The following DNAH7 variants were observed in gnomAD, a reference collection of about 807,000 sequenced individuals.
The protein encoded by DNAH7 is axonemal beta dynein heavy chain 7.
A neutral mutation model predicts 444.6 loss-of-function variants in DNAH7; 397 were observed. The observed-to-expected ratio is 0.89, with a 90% CI of 0.82 to 0.97. DNAH7 has a LOEUF of 0.97. DNAH7 is among the 50% of genes least tolerant of loss of function. DNAH7 has a pLI of 0.00. For missense variants in DNAH7, 4,902 were observed against 4,800.8 expected, an observed-to-expected ratio of 1.02 and a Z score of -0.62; for synonymous variants, 1,636 against 1,624.4, an observed-to-expected ratio of 1.01 and a Z score of -0.17.
Position 195,864,320 on chromosome 2 carries a change from A to G in DNAH7, c.7335T>C (p.Asp2445=). The change falls in exon 41 of 65, where the codon GAT becomes GAC. Residue 2445 remains aspartate (D), a synonymous_variant. Coordinates refer to ENST00000312428, the MANE Select transcript of DNAH7 (RefSeq NM_018897.3). ...DKMRQLDRQR[D]KTKQTDGSPI... ...GGCTGCCATCTGTTTGCTTGGTTTT[A>G]TCCCGCTGGCGATCTAACTGACGCA... The G allele has an allele frequency of 1.2e-6, 2 of 1,614,138 alleles. No homozygotes were observed. The highest frequency in any genetic ancestry group is 1.7e-6 in the Non-Finnish European group (2 of 1,180,020).
chr2:195,848,840 C>T (rs1328590476), intron 46 of DNAH7, among the ~76,000 whole-genome samples: 2 of 152,148 alleles, frequency 1.3e-5, no homozygotes, highest in African/African-American at 4.8e-5. Context: ...CGGGAGTGTT[C>T]CAGCCTAGTA....
At chr2:195,994,916 A>G in intron 12 of DNAH7, 1 of 327,206 alleles carries the variant, frequency 3.1e-6, no homozygotes, top group Non-Finnish European at 6.0e-6. Flanking sequence ...GACAGACTGT[A>G]GCCCACTGGA....
chr2:195,800,217 C>T (rs1696380179), intron 54 of DNAH7, among the ~76,000 whole-genome samples: 1 of 152,154 alleles, frequency 6.6e-6, no homozygotes, highest in African/African-American at 2.4e-5. Flanking sequence ...CCCAACACCG[C>T]CACATTTGGG....
Position 195,737,778 on chromosome 2 carries a change from G to C in DNAH7, c.*143C>G, listed in dbSNP as rs1692721212. On this transcript the variant is annotated 3_prime_UTR_variant, in exon 65 of 65. Transcript: ENST00000312428. ...AGTATGAGTCATATTAAGTTTAGCT[G>C]CATTTGCTCATAAGTAAATTCATAA... 1 of 686,210 alleles carries C rather than the reference G, an allele frequency of 1.5e-6. No homozygotes were observed. The highest frequency in any genetic ancestry group is 1.8e-5 in the African/African-American group (1 of 55,286). The allele number at this position is 686,210 out of a possible 1,614,324, so 42.5% of individuals were successfully genotyped here.
At chr2:195,786,943 C>G (rs1695650950) in intron 58 of DNAH7, 67 bp downstream of exon 58, 2 of 1,458,646 alleles carry the variant, frequency 1.4e-6, no homozygotes, top group African/African-American at 1.4e-5. Flanking sequence ...TGCCCACTTA[C>G]TATAACACAC....
At chr2:195,794,028 C>T (rs1696019932) in intron 57 of DNAH7, among the ~76,000 whole-genome samples, 1 of 152,114 alleles carries the variant, frequency 6.6e-6, no homozygotes, top group Admixed American at 6.6e-5. Context: ...TATCCTGAAA[C>T]AAGATTCTCC....
chr2:195,917,880 G>C (rs1214877178), intron 24 of DNAH7, among the ~76,000 whole-genome samples: 1 of 151,992 alleles, frequency 6.6e-6, no homozygotes, highest in Non-Finnish European at 1.5e-5. Context: ...TGTTGCCCAG[G>C]CTGGTCTTGA....
Position 195,782,012 on chromosome 2 carries a change from CACACAG to C in DNAH7, c.10879-4033_10879-4028del, listed in dbSNP as rs879921630. On this transcript the variant is annotated intron_variant, in intron 58 of 64. Transcript: ENST00000312428. ...ACACACACACACACACACACACACA[CACACAG>C]ACACACCCCTACCAAAACAAGAATG... is the stretch of plus-strand genomic sequence containing the variant. 3.0e-3 allele frequency among the ~76,000 whole-genome samples: 449 copies of C among 150,036 alleles called. 3 individuals are homozygous for C. Among genetic ancestry groups the C allele is most frequent in the Middle Eastern group, 0.017 (5 of 294 alleles).
intron 21 of DNAH7, among the ~76,000 whole-genome samples, chr2:195,931,352 T>C (rs1220850520): frequency 1.3e-5 from 2 of 151,996 alleles, no homozygotes; most frequent in Non-Finnish European, 1.5e-5. Context: ...GTTGCGAAAA[T>C]TTTCTCCCAT....
At chr2:195,995,037 C>T (rs1693602856) in intron 12 of DNAH7, 1 of 259,046 alleles carries the variant, frequency 3.9e-6, no homozygotes. Context: ...TCAAGCGATT[C>T]TCCTGCCTCA....
chr2:195,990,811 GTA>G (rs772571749), intron 12 of DNAH7, among the ~76,000 whole-genome samples: 10,543 of 79,974 alleles, frequency 0.13, 530 homozygotes, highest in South Asian at 0.17. Flanking sequence ...GTGTGTGTGT[GTA>G]TATATATATA....
At chr2:196,038,538 C>T (rs1262203372) in intron 5 of DNAH7, among the ~76,000 whole-genome samples, 1 of 152,038 alleles carries the variant, frequency 6.6e-6, no homozygotes, top group Admixed American at 6.5e-5. Context: ...TTAAAAGATA[C>T]AGACTAGTTG....
intron 47 of DNAH7, among the ~76,000 whole-genome samples, chr2:195,840,175 A>G (rs1416602889): frequency 6.6e-6 from 1 of 151,770 alleles, no homozygotes; most frequent in Admixed American, 6.6e-5. Context: ...AGTAGAGTTT[A>G]ATCTGGAAAT....
intron 13 of DNAH7, 73 bp from the exon 14 acceptor site, chr2:195,987,266 CATA>C (rs1692981671): frequency 2.5e-6 from 3 of 1,202,152 alleles, no homozygotes; most frequent in Non-Finnish European, 3.4e-6. Flanking sequence ...TTGCCATTCT[CATA>C]ATTTTTATTT....
Position 195,883,460 on chromosome 2 carries a change from C to CT in DNAH7, c.5763+1124_5763+1125insA, listed in dbSNP as rs1184453020. The stretch of plus-strand genomic sequence containing the variant: ...GAGACTCAGTCCCCGCTCCCCCCCC[C>CT]CAAAAAAAAAGAATCAGAAACGCTG... On this transcript the variant is annotated intron_variant, in intron 35 of 64. Coordinates refer to ENST00000312428, the MANE Select transcript of DNAH7 (RefSeq NM_018897.3). 8.7e-4 allele frequency among the ~76,000 whole-genome samples: 131 copies of CT among 149,756 alleles called. 2 individuals carry two copies. The highest frequency in any genetic ancestry group is 3.2e-3 in the African/African-American group (128 of 40,324).
In DNAH7 at chr2:195,973,062, T is replaced by C. The variant is rs540267938; in HGVS notation, c.1834-596A>G. On this transcript the variant is annotated intron_variant, in intron 15 of 64. Transcript: ENST00000312428. ...GCACAAATAGAAGGAAACGAGGGAA[T>C]GAAACAAGTGGAGAGGGCTGCATGT... 2.7e-4 allele frequency among the ~76,000 whole-genome samples: 41 copies of C among 152,160 alleles called. 2 individuals are homozygous for C. The South Asian group carries it at 8.3e-3, about 31-fold the overall frequency.
chr2:195,813,351 T>C (rs1234857316), intron 51 of DNAH7, among the ~76,000 whole-genome samples: 3 of 152,336 alleles, frequency 2.0e-5, no homozygotes, highest in South Asian at 4.1e-4. Flanking sequence ...TCTCGTTGAA[T>C]ATAAACCCTT....
intron 35 of DNAH7, among the ~76,000 whole-genome samples, chr2:195,882,922 T>C (rs1320849849): frequency 6.6e-6 from 1 of 152,218 alleles, no homozygotes; most frequent in Non-Finnish European, 1.5e-5. Context: ...GAAGAGGTTA[T>C]GAACTCACTG....
intron 46 of DNAH7, among the ~76,000 whole-genome samples, chr2:195,845,854 C>T (rs998479126): frequency 6.6e-6 from 1 of 152,136 alleles, no homozygotes; most frequent in African/African-American, 2.4e-5. Context: ...ATACAAAAAT[C>T]AACTCAAGAT....
Sources: gnomAD v4.1 joint callset for allele counts (sites outside exome capture counted in the v4.1 genomes callset) on GRCh38, gnomAD v4.1.1 for gene constraint, MANE v1.5 for transcripts, NCBI Gene and HGNC (gene_info 2026-07-23, HGNC 2026-07-21) for gene names.